PPP4R1: variants seen among roughly 807,000 people sequenced by gnomAD.
PPP4R1 encodes serine/threonine-protein phosphatase 4 regulatory subunit 1.
Under a neutral mutation model 111.2 loss-of-function variants are expected in PPP4R1, and 42 were observed. That is an observed-to-expected ratio of 0.38 (90% CI 0.29 to 0.49). The LOEUF is 0.49. Among genes scored for constraint, PPP4R1 ranks in the 20% least tolerant of loss-of-function variants. PPP4R1 has a pLI of 0.97. For synonymous variants in PPP4R1, 409 were observed against 405.5 expected (o/e 1.01, Z -0.10); for missense variants, 1,012 against 1,161.6 (o/e 0.87, Z 1.87).
intron 2 of PPP4R1, chr18:9,613,439 C>A (rs1356972353): frequency 6.6e-6 from 1 of 152,174 alleles, no homozygotes; most frequent in Non-Finnish European, 1.5e-5. Context: ...AAATTCCTTT[C>A]TAAATATCAA....
At chr18:9,587,779 C>A (rs539492858) in intron 6 of PPP4R1, among the ~76,000 whole-genome samples, 1 of 151,310 alleles carries the variant, frequency 6.6e-6, no homozygotes, top group South Asian at 2.1e-4. Context: ...GTGGCCTGAT[C>A]TTGGCTCACT....
Position 9,563,434 on chromosome 18 carries a change from G to A in PPP4R1, c.1690C>T (p.Pro564Ser). The A allele has an allele frequency of 6.2e-7, 1 of 1,612,538 alleles. No homozygotes were observed. Among genetic ancestry groups the A allele is most frequent in the Non-Finnish European group, 8.5e-7 (1 of 1,179,046 alleles). The part of the protein sequence containing the change: ...LQDELDINEL[P>S]NCKINQEDSV... ...TCTTCTTGATTTATTTTACAATTTG[G>A]TAGCTCATTTATATCCAGTTCATCT... Residue 564 changes from proline to serine, a missense_variant, in exon 12 of 20, where the codon CCA (proline) becomes TCA (serine). By Grantham distance (74) the Pro-to-Ser change is moderately conservative (BLOSUM62 -1). Coordinates refer to ENST00000400556, the MANE Select transcript of PPP4R1 (RefSeq NM_001042388.3).
intron 10 of PPP4R1, among the ~76,000 whole-genome samples, chr18:9,573,229 A>G (rs2066888270): frequency 6.6e-6 from 1 of 152,210 alleles, no homozygotes; most frequent in Non-Finnish European, 1.5e-5. Context: ...TAAAGGCTAG[A>G]TTAGCTAACA....
intron 9 of PPP4R1, among the ~76,000 whole-genome samples, chr18:9,579,481 T>C (rs1373655279): frequency 6.6e-6 from 1 of 152,084 alleles, no homozygotes; most frequent in Non-Finnish European, 1.5e-5. Flanking sequence ...GACTATCTTG[T>C]CTTTTTTTTG....
chr18:9,606,614 T>C (rs982534740), intron 2 of PPP4R1, among the ~76,000 whole-genome samples: 9 of 152,224 alleles, frequency 5.9e-5, no homozygotes, highest in East Asian at 3.9e-4. Flanking sequence ...AATTGTCCTA[T>C]AGCACAACTG....
Position 9,547,636 on chromosome 18 carries a change from G to T in PPP4R1, c.*153C>A. 2.6e-6 allele frequency: 2 copies of T among 771,152 alleles called. No individual in the cohort carries two copies. Among genetic ancestry groups the T allele is most frequent in the Non-Finnish European group, 2.1e-6 (1 of 474,710 alleles). The allele number at this position is 771,152 out of a possible 1,614,324, so 47.8% of individuals were successfully genotyped here. On this transcript the variant is annotated 3_prime_UTR_variant, in exon 20 of 20. Transcript: ENST00000400556. Reference sequence around the variant, plus strand: ...CTTTCTCTTGACTCTTGAAATCCCTGGTATTGGGTGTAGGCAACTTGCACC... The same window carrying T: ...CTTTCTCTTGACTCTTGAAATCCCTTGTATTGGGTGTAGGCAACTTGCACC...
chr18:9,577,085 A>T lies in PPP4R1; in HGVS notation c.1025T>A (p.Met342Lys). 6.3e-7 allele frequency: 1 copy of T among 1,577,384 alleles called. No individual in the cohort carries two copies. Among genetic ancestry groups the T allele is most frequent in the Non-Finnish European group, 8.6e-7 (1 of 1,161,626 alleles). The change falls in exon 10 of 20, where the codon ATG becomes AAG. Residue 342 changes from methionine to lysine, a missense_variant. Met to Lys is a moderately conservative substitution (Grantham distance 95). This residue lies in a region of PPP4R1 where 707 missense variants were observed against 742.1 expected (regional missense o/e 0.95). Coordinates refer to ENST00000400556, the MANE Select transcript of PPP4R1 (RefSeq NM_001042388.3). ...FKEESKSSEE[M>K]SVENKNRTRD... is the part of the protein sequence containing the mutation. The stretch of plus-strand genomic sequence containing the variant: ...ATACCTATTTTTGTTTTCTACTGAC[A>T]TCTCTTCTGAACTTTTGCTTTCTTC...
chr18:9,594,766 T>C (rs1317061911), intron 3 of PPP4R1: 2 of 404,446 alleles, frequency 4.9e-6, no homozygotes, highest in African/African-American at 2.0e-5. Context: ...ACCAAAATTA[T>C]GTCCAGTGGC....
At chr18:9,579,397 A>G (rs1442989630) in intron 9 of PPP4R1, among the ~76,000 whole-genome samples, 3 of 152,226 alleles carry the variant, frequency 2.0e-5, no homozygotes, top group African/African-American at 7.2e-5. Flanking sequence ...TTTTAATTCA[A>G]TTTTAACTTT....
Position 9,614,297 on chromosome 18 carries a change from C to G in PPP4R1, c.8-27G>C. 7.9e-7 allele frequency: 1 copy of G among 1,260,430 alleles called. No homozygotes were observed. The highest frequency in any genetic ancestry group is 1.0e-6 in the Non-Finnish European group (1 of 990,916). 78.1% of individuals were successfully genotyped at this position (1,260,430 alleles called of 1,614,324 possible). ...TGCGCCGAGGGGAGAGAAGAAAGGC[C>G]CGGTCAGCGCCCCGGGGCCCGGCGC... On this transcript the variant is annotated intron_variant, in intron 1 of 19. Coordinates refer to ENST00000400556, the MANE Select transcript of PPP4R1 (RefSeq NM_001042388.3). This position sits in a 1 kb window ranked among gnomAD's most constrained non-coding sequence, Gnocchi z 4.1.
In PPP4R1 at chr18:9,547,846, G is replaced by A. The variant is rs2066424045; in HGVS notation, c.2796C>T (p.His932=). 1.9e-6 allele frequency: 3 copies of A among 1,613,666 alleles called. No homozygotes were observed. Among genetic ancestry groups the A allele is most frequent in the Non-Finnish European group, 2.5e-6 (3 of 1,180,022 alleles). Residue 932 remains histidine (H), a synonymous_variant, in exon 20 of 20, where the codon CAC becomes CAT. Transcript: ENST00000400556. The stretch of plus-strand genomic sequence containing the variant: ...CTTCGGAGATTTTGGTACTGGCAGG[G>A]TGGATGCTTGCAAAATACTTGACAT... ...DSDVKYFASI[H]PASTKISEDA...
At position 9,559,509 on chromosome 18, in the gene PPP4R1, T is replaced by C. The variant is rs368568755; in HGVS notation, c.1938A>G (p.Ala646=). Residue 646 remains alanine (A), a synonymous_variant, in exon 14 of 20, where the codon GCA becomes GCG. Coordinates refer to ENST00000400556, the MANE Select transcript of PPP4R1 (RefSeq NM_001042388.3). ...TVDTEIAKHC[A]YSLPGVALTL... ...TCAAGGCCACACCAGGGAGGCTATA[T>C]GCACAGTGCTTAGCAATTTCAGTGT... is the stretch of plus-strand genomic sequence containing the variant. 9 of 1,613,898 alleles carry C rather than the reference T, an allele frequency of 5.6e-6. No individual in the cohort carries two copies. The highest frequency in any genetic ancestry group is 1.6e-4 in the Middle Eastern group (1 of 6,084).
At chr18:9,564,739 G>GTGTGTGTGT (rs1568094920) in intron 11 of PPP4R1, among the ~76,000 whole-genome samples, 411 of 17,366 alleles carry the variant, frequency 0.024, 3 homozygotes, top group East Asian at 0.1. Flanking sequence ...TGTGTGTGTG[G>GTGTGTGTGT]GGGTATCATC....
intron 10 of PPP4R1, 55 bp downstream of exon 10, chr18:9,577,009 G>C: frequency 7.2e-7 from 1 of 1,382,146 alleles, no homozygotes; most frequent in Admixed American, 2.4e-5. Flanking sequence ...ATGTTTAAAA[G>C]CAGTAAAATT....
chr18:9,615,308 G>A (rs941832343), upstream of PPP4R1: 2 of 152,288 alleles, frequency 1.3e-5, no homozygotes, highest in African/African-American at 2.4e-5. Context: ...CAGGCCCGGG[G>A]TCAGATCCTG....
In PPP4R1 at chr18:9,566,600, G is replaced by C. The variant is rs188359088; in HGVS notation, c.1574-3050C>G. 1.3e-3 allele frequency among the ~76,000 whole-genome samples: 197 copies of C among 151,938 alleles called. 1 individual carries two copies. Among genetic ancestry groups the C allele is most frequent in the African/African-American group, 4.6e-3 (190 of 41,454 alleles). ...TGGGAGACAGAGGTTGCAGCGAGTT[G>C]AGATTGCACCACTGCACTCCAGCCT... is the stretch of plus-strand genomic sequence containing the variant. On this transcript the variant is annotated intron_variant, in intron 11 of 19. Coordinates refer to ENST00000400556, the MANE Select transcript of PPP4R1 (RefSeq NM_001042388.3).
chr18:9,563,648 T>C (rs2066714967), intron 11 of PPP4R1, 98 bp from the exon 12 acceptor site: 2 of 1,150,736 alleles, frequency 1.7e-6, no homozygotes, highest in Non-Finnish European at 2.3e-6. Context: ...CAATGAAATA[T>C]ATACTTTTTT....
intron 13 of PPP4R1, 142 bp from the exon 14 acceptor site, chr18:9,559,746 G>T (rs1214039174): frequency 1.8e-5 from 9 of 487,964 alleles, no homozygotes; most frequent in South Asian, 5.9e-5. Flanking sequence ...AATGTCAAAT[G>T]TTCAGGTATC....
At chr18:9,561,050 T>C (rs1244809703) in intron 13 of PPP4R1, among the ~76,000 whole-genome samples, 2 of 151,140 alleles carry the variant, frequency 1.3e-5, no homozygotes, top group Non-Finnish European at 2.9e-5. Flanking sequence ...AAACACTGTC[T>C]CTACTAAAAA....
Sources: gnomAD v4.1 joint callset for allele counts (sites outside exome capture counted in the v4.1 genomes callset) on GRCh38, gnomAD v4.1.1 for gene constraint, gnomAD v4.1.1 regional missense constraint, Gnocchi (gnomAD v3.1) non-coding constraint, MANE v1.5 for transcripts, NCBI Gene and HGNC (gene_info 2026-07-23, HGNC 2026-07-21) for gene names.